Variants in TEC observed in about 807,000 individuals in gnomAD.
TEC encodes tec protein tyrosine kinase.
TEC carries 72 observed loss-of-function variants against 93.0 expected under a neutral mutation model. That is an observed-to-expected ratio of 0.77 (90% CI 0.64 to 0.94). The LOEUF is 0.94. Ranked by LOEUF, TEC falls within the 40% of genes least tolerant of loss-of-function variation. The pLI is 0.00. For missense variants in TEC, 630 were observed against 757.9 expected, an observed-to-expected ratio of 0.83 and a Z score of 1.98; for synonymous variants, 249 against 247.7, an observed-to-expected ratio of 1.01 and a Z score of -0.05.
intron 1 of TEC, among the ~76,000 whole-genome samples, chr4:48,230,939 A>G (rs1723628404): frequency 6.6e-6 from 1 of 152,226 alleles, no homozygotes; most frequent in Non-Finnish European, 1.5e-5. Context: ...TCTATCACTC[A>G]TCATAGAGCT....
chr4:48,177,985 T>C (rs1721402148), intron 2 of TEC, among the ~76,000 whole-genome samples: 1 of 152,220 alleles, frequency 6.6e-6, no homozygotes, highest in Admixed American at 6.5e-5. Flanking sequence ...TAAACCTCTT[T>C]TCTTTATAAA....
chr4:48,256,802 A>C (rs1387160614), intron 1 of TEC, among the ~76,000 whole-genome samples: 2 of 152,104 alleles, frequency 1.3e-5, no homozygotes, highest in Admixed American at 6.5e-5. Context: ...AGGGAAAATA[A>C]GATGGATGCT....
At chr4:48,266,483 G>C (rs1473941282) in intron 1 of TEC, among the ~76,000 whole-genome samples, 1 of 152,224 alleles carries the variant, frequency 6.6e-6, no homozygotes, top group Non-Finnish European at 1.5e-5. Context: ...GCCAAGAGCT[G>C]TGGGTTTAAT....
intron 2 of TEC, among the ~76,000 whole-genome samples, chr4:48,213,502 C>G (rs1198064559): frequency 6.6e-6 from 1 of 152,138 alleles, no homozygotes; most frequent in Admixed American, 6.5e-5. Context: ...GTAATAACAT[C>G]AGAAGTCCTC....
chr4:48,253,287 C>T (rs1355020935), intron 1 of TEC, among the ~76,000 whole-genome samples: 2 of 152,150 alleles, frequency 1.3e-5, no homozygotes, highest in African/African-American at 4.8e-5. Flanking sequence ...CTGTCTCATT[C>T]CTCTGCCCTT....
At chr4:48,218,322 TTTG>T (rs995863917) in intron 2 of TEC, among the ~76,000 whole-genome samples, 1 of 152,064 alleles carries the variant, frequency 6.6e-6, no homozygotes, top group East Asian at 1.9e-4. Flanking sequence ...TCATGTCACT[TTTG>T]TTGTTGTTGT....
chr4:48,230,687 T>G (rs1723620974), intron 1 of TEC, among the ~76,000 whole-genome samples: 1 of 152,218 alleles, frequency 6.6e-6, no homozygotes, highest in Non-Finnish European at 1.5e-5. Flanking sequence ...TTCCTTAGTC[T>G]GACACGAGAG....
intron 2 of TEC, among the ~76,000 whole-genome samples, chr4:48,217,461 G>C (rs998772990): frequency 6.6e-6 from 1 of 152,168 alleles, no homozygotes; most frequent in Admixed American, 6.6e-5. Context: ...CTTTGGTGGG[G>C]AGGGACACCT....
Position 48,145,408 on chromosome 4 carries a change from A to G in TEC, c.1253T>C (p.Met418Thr), listed in dbSNP as rs41307144. Residue 418 changes from methionine to threonine, a missense_variant and splice_region_variant, in exon 13 of 18, where the codon ATG becomes ACG. Met to Thr is a moderately conservative substitution (Grantham distance 81, BLOSUM62 -1). Coordinates refer to ENST00000381501, the MANE Select transcript of TEC (RefSeq NM_003215.3). Reference sequence around the variant, plus strand: ...AGCCAGAAAGATGATAGCAACTTACATCATCACTTTAGCTTCTTCTATAAA... The same window carrying G: ...AGCCAGAAAGATGATAGCAACTTACGTCATCACTTTAGCTTCTTCTATAAA... The part of the protein sequence containing the change: ...EDFIEEAKVM[M>T]KLTHPKLVQL... 3 of 1,614,116 alleles carry G rather than the reference A, an allele frequency of 1.9e-6. No homozygotes were observed. Among genetic ancestry groups the G allele is most frequent in the Non-Finnish European group, 2.5e-6 (3 of 1,180,004 alleles).
intron 8 of TEC, among the ~76,000 whole-genome samples, chr4:48,158,334 T>G (rs1181217311): frequency 1.3e-5 from 2 of 152,234 alleles, no homozygotes; most frequent in African/African-American, 4.8e-5. Flanking sequence ...TCGGAGGTGT[T>G]GAACCAGGCC....
At chr4:48,226,011 C>T (rs1228714306) in intron 2 of TEC, among the ~76,000 whole-genome samples, 2 of 152,112 alleles carry the variant, frequency 1.3e-5, no homozygotes, top group African/African-American at 2.4e-5. Flanking sequence ...TCTGTCCTTT[C>T]TGGTTCTCAG....
chr4:48,232,650 TA>T (rs1723679706), intron 1 of TEC, among the ~76,000 whole-genome samples: 1 of 152,242 alleles, frequency 6.6e-6, no homozygotes, highest in South Asian at 2.1e-4. Context: ...CAGCCAAAGA[TA>T]GAGTGTTGAA....
intron 7 of TEC, among the ~76,000 whole-genome samples, chr4:48,165,105 G>T (rs576701865): frequency 3.3e-5 from 5 of 152,174 alleles, no homozygotes; most frequent in Non-Finnish European, 7.3e-5. Context: ...ATTTCACTGA[G>T]CCAGAAAGTA....
intron 6 of TEC, 53 bp downstream of exon 6, chr4:48,168,533 A>G (rs1396441735): frequency 6.4e-7 from 1 of 1,572,834 alleles, no homozygotes; most frequent in African/African-American, 1.4e-5. Context: ...AAAACTTAAG[A>G]CTTAAAGGCT....
chr4:48,160,010 T>G (rs112935165), intron 8 of TEC, among the ~76,000 whole-genome samples: 7 of 152,310 alleles, frequency 4.6e-5, no homozygotes, highest in African/African-American at 1.7e-4. Flanking sequence ...ACATGAGACT[T>G]GGCAAGGTCT....
chr4:48,203,903 G>A (rs1722615525), intron 2 of TEC, among the ~76,000 whole-genome samples: 1 of 152,162 alleles, frequency 6.6e-6, no homozygotes, highest in Non-Finnish European at 1.5e-5. Context: ...GAGGAGCTGA[G>A]TATCCATGGG....
At chr4:48,245,788 A>C (rs1356347833) in intron 1 of TEC, among the ~76,000 whole-genome samples, 7 of 152,166 alleles carry the variant, frequency 4.6e-5, no homozygotes, top group Admixed American at 4.6e-4. Flanking sequence ...GTCTGGCTAC[A>C]TTAAAATAGC....
intron 2 of TEC, among the ~76,000 whole-genome samples, chr4:48,186,953 C>T (rs10000735): frequency 0.41 from 62,355 of 152,210 alleles, 13,512 homozygotes; most frequent in Middle Eastern, 0.49. Context: ...TCATTGAGAA[C>T]GGGCCATGAT....
chr4:48,179,366 ATATATATATATTTTTT>A (rs1338301700), intron 2 of TEC, among the ~76,000 whole-genome samples: 19 of 37,076 alleles, frequency 5.1e-4, no homozygotes, highest in African/African-American at 1.5e-3. Context: ...ATATATATAT[ATATATATATATTTTTT>A]TTTTTTTTTT....
Sources: gnomAD v4.1 joint callset for allele counts (sites outside exome capture counted in the v4.1 genomes callset) on GRCh38, gnomAD v4.1.1 for gene constraint, MANE v1.5 for transcripts, NCBI Gene and HGNC (gene_info 2026-07-23, HGNC 2026-07-21) for gene names.